Variants in IQSEC1 observed in about 807,000 individuals in gnomAD.
IQSEC1 encodes the protein IQ motif and SEC7 domain-containing protein 1.
In IQSEC1, 31 loss-of-function variants were observed where a neutral mutation model predicts 91.0. The ratio of observed to expected loss-of-function variants is 0.34; its 90% CI spans 0.26 to 0.46. The LOEUF is 0.46. Among genes scored for constraint, IQSEC1 ranks in the 20% least tolerant of loss-of-function variants. The pLI is 1.00. For missense variants in IQSEC1, 1,388 were observed against 1,575.6 expected (o/e 0.88, Z 2.02); for synonymous variants, 699 against 662.6 (o/e 1.05, Z -0.84).
At chr3:12,961,838 A>G (rs1266516568) in intron 1 of IQSEC1, among the ~76,000 whole-genome samples, 1 of 152,210 alleles carries the variant, frequency 6.6e-6, no homozygotes, top group Non-Finnish European at 1.5e-5. Context: ...CCTGTCATCC[A>G]TCTTTTACCA....
At chr3:12,944,698 C>G (rs1384463402) in intron 1 of IQSEC1, among the ~76,000 whole-genome samples, 1 of 152,214 alleles carries the variant, frequency 6.6e-6, no homozygotes, top group Non-Finnish European at 1.5e-5. Flanking sequence ...AGCCGGGCCT[C>G]CGCTCCTAAG....
At chr3:13,232,427 C>T (rs566748515) in intron 1 of IQSEC1, among the ~76,000 whole-genome samples, 74 of 152,310 alleles carry the variant, frequency 4.9e-4, no homozygotes, top group Non-Finnish European at 8.2e-4. Context: ...AGGAGGCTGT[C>T]GCAGGAAACG....
At chr3:12,975,296 C>T (rs936953799) in intron 1 of IQSEC1, among the ~76,000 whole-genome samples, 4 of 152,218 alleles carry the variant, frequency 2.6e-5, no homozygotes, top group Non-Finnish European at 4.4e-5. Flanking sequence ...ATGCTCATGG[C>T]TTACGGAGGC....
intron 1 of IQSEC1, among the ~76,000 whole-genome samples, chr3:13,030,495 G>A (rs575934799): frequency 2.0e-5 from 3 of 152,328 alleles, no homozygotes; most frequent in African/African-American, 7.2e-5. Context: ...AATTGGACCT[G>A]AGTCTAATCA....
chr3:13,149,305 G>A (rs1161677961), intron 2 of IQSEC1, among the ~76,000 whole-genome samples: 1 of 152,066 alleles, frequency 6.6e-6, no homozygotes, highest in Non-Finnish European at 1.5e-5. Flanking sequence ...CAGAGCCTGG[G>A]TCCGCAGGAT....
At chr3:13,018,615 G>GT (rs1376404140) in intron 1 of IQSEC1, among the ~76,000 whole-genome samples, 2 of 152,320 alleles carry the variant, frequency 1.3e-5, no homozygotes, top group African/African-American at 2.4e-5. Context: ...CCAGAGGTGA[G>GT]TGCCCAGAGA....
intron 2 of IQSEC1, among the ~76,000 whole-genome samples, chr3:13,090,645 C>G (rs2125139114): frequency 1.3e-5 from 2 of 152,302 alleles, no homozygotes; most frequent in South Asian, 4.1e-4. Flanking sequence ...CTGAGAGACT[C>G]TACAGCCCAC....
intron 2 of IQSEC1, among the ~76,000 whole-genome samples, chr3:13,085,146 C>T (rs1004152807): frequency 8.5e-5 from 13 of 152,136 alleles, no homozygotes; most frequent in African/African-American, 3.1e-4. Context: ...CCCAAACAGC[C>T]ATATGAAGAA....
chr3:13,132,703 G>A (rs1374777954), intron 2 of IQSEC1, among the ~76,000 whole-genome samples: 1 of 152,206 alleles, frequency 6.6e-6, no homozygotes, highest in Admixed American at 6.5e-5. Context: ...ATTGTCTGAT[G>A]TCCAGGGTGT....
At chr3:13,133,085 T>C (rs1706648040) in intron 2 of IQSEC1, among the ~76,000 whole-genome samples, 15 of 152,224 alleles carry the variant, frequency 9.9e-5, no homozygotes, top group Admixed American at 9.8e-4. Context: ...TCTAACCAGT[T>C]GGCCCCAGAG....
intron 1 of IQSEC1, among the ~76,000 whole-genome samples, chr3:13,237,158 T>A (rs77570303): frequency 6.6e-6 from 1 of 152,316 alleles, no homozygotes; most frequent in Non-Finnish European, 1.5e-5. Context: ...CTTTCAGAAA[T>A]AGGATTCTGC....
intron 2 of IQSEC1, among the ~76,000 whole-genome samples, chr3:13,082,205 G>A (rs1350693589): frequency 2.0e-5 from 3 of 152,230 alleles, no homozygotes; most frequent in African/African-American, 4.8e-5. Context: ...GGGAATCAAC[G>A]TGTCGGTCGG....
intron 2 of IQSEC1, among the ~76,000 whole-genome samples, chr3:13,134,500 G>A (rs140566847): frequency 8.5e-5 from 13 of 152,346 alleles, no homozygotes; most frequent in East Asian, 7.7e-4. Context: ...CAGCAACACC[G>A]TTGGCAATGA....
At chr3:12,961,882 G>T (rs1005878997) in intron 1 of IQSEC1, among the ~76,000 whole-genome samples, 3 of 152,356 alleles carry the variant, frequency 2.0e-5, no homozygotes, top group African/African-American at 7.2e-5. Context: ...GGCTAAGGAA[G>T]GTGCCCAAGA....
intron 1 of IQSEC1, among the ~76,000 whole-genome samples, chr3:13,031,879 G>C (rs1703854137): frequency 6.6e-6 from 1 of 152,218 alleles, no homozygotes; most frequent in African/African-American, 2.4e-5. Flanking sequence ...CGGTGGAGGA[G>C]GTCTAGGGTA....
At chr3:13,277,728 C>T (rs572747673) in intron 1 of IQSEC1, among the ~76,000 whole-genome samples, 1 of 152,328 alleles carries the variant, frequency 6.6e-6, no homozygotes, top group South Asian at 2.1e-4. Context: ...TGAACCAAAA[C>T]ATGACACAGT....
intron 1 of IQSEC1, among the ~76,000 whole-genome samples, chr3:13,198,194 C>T (rs545623419): frequency 2.0e-5 from 3 of 152,324 alleles, no homozygotes; most frequent in South Asian, 2.1e-4. Context: ...TTTAGTCCTA[C>T]GGTCAACAAG....
chr3:13,014,112 T>A (rs745945628), intron 1 of IQSEC1, among the ~76,000 whole-genome samples: 20 of 152,188 alleles, frequency 1.3e-4, no homozygotes, highest in Non-Finnish European at 2.1e-4. Context: ...GCCAGAGCCC[T>A]GGGCTCTGAG....
rs118154115 is a variant in IQSEC1, at chr3:12,935,688, C to T, written c.1328G>A (p.Arg443Gln). The T allele has an allele frequency of 4.9e-4, 788 of 1,613,684 alleles. 10 individuals are homozygous for T. The East Asian group carries it at 0.016, about 33-fold the overall frequency. Reference sequence around the variant, plus strand: ...GTAGTCCGACTCAGACTTGCTCTGCCGGTTGGCTGAGCCATTGATGGCCAA... The same window carrying T: ...GTAGTCCGACTCAGACTTGCTCTGCTGGTTGGCTGAGCCATTGATGGCCAA... ...SHLAINGSAN[R>Q]QSKSESDYSD... Residue 443 changes from arginine (R) to glutamine (Q), a missense_variant, in exon 3 of 14, where the codon CGG (arginine) becomes CAG (glutamine). Around this residue, in one of 2 missense-constraint regions of IQSEC1, gnomAD observed 1,059 missense variants for 1,317.8 expected, o/e 0.80. Coordinates refer to ENST00000613206, the MANE Select transcript of IQSEC1 (RefSeq NM_001134382.3). The surrounding 1 kb of genome is among the most constrained non-coding windows in gnomAD (Gnocchi z 8.0).
Sources: gnomAD v4.1 joint callset for allele counts (sites outside exome capture counted in the v4.1 genomes callset) on GRCh38, gnomAD v4.1.1 for gene constraint, gnomAD v4.1.1 regional missense constraint, Gnocchi (gnomAD v3.1) non-coding constraint, MANE v1.5 for transcripts, NCBI Gene and HGNC (gene_info 2026-07-23, HGNC 2026-07-21) for gene names.